RAD51: variants seen among roughly 807,000 people sequenced by gnomAD.
RAD51 encodes the protein DNA repair protein RAD51 homolog 1.
A neutral mutation model predicts 41.5 loss-of-function variants in RAD51; 14 were observed. That is an observed-to-expected ratio of 0.34 (90% CI 0.22 to 0.53). RAD51 has a LOEUF of 0.53. RAD51 is among the 20% of genes least tolerant of loss of function. RAD51 has a pLI of 0.95. For missense variants in RAD51, 234 were observed against 422.0 expected, an observed-to-expected ratio of 0.55 and a Z score of 3.90; for synonymous variants, 136 against 148.6, an observed-to-expected ratio of 0.92 and a Z score of 0.62.
chr15:40,697,087 ATTATTTAT>A (rs138109886), intron 1 of RAD51, among the ~76,000 whole-genome samples: 3 of 151,816 alleles, frequency 2.0e-5, no homozygotes, highest in East Asian at 1.9e-4. Context: ...TTATTTTTTT[ATTATTTAT>A]TTATTTATTT....
At chr15:40,714,696 T>C (rs1018854678) in intron 5 of RAD51, among the ~76,000 whole-genome samples, 1 of 152,210 alleles carries the variant, frequency 6.6e-6, no homozygotes, top group African/African-American at 2.4e-5. Flanking sequence ...ACCAGGGATA[T>C]AGAGAGGATG....
chr15:40,698,639 G>A (rs1295427215), intron 1 of RAD51, 118 bp from the exon 2 acceptor site: 1 of 924,046 alleles, frequency 1.1e-6, no homozygotes, highest in East Asian at 2.6e-5. Flanking sequence ...GGCACAATAA[G>A]AGAATGGCCT....
At chr15:40,714,514 A>G (rs1226601869) in intron 5 of RAD51, among the ~76,000 whole-genome samples, 1 of 152,244 alleles carries the variant, frequency 6.6e-6, no homozygotes, top group Non-Finnish European at 1.5e-5. Context: ...AAGTAGTCAG[A>G]TAATGTCTGT....
rs1049055390 is a variant in RAD51, at chr15:40,728,810, G to C, written c.630G>C (p.Met210Ile). 1 of 1,612,852 alleles carries C rather than the reference G, an allele frequency of 6.2e-7. No individual in the cohort carries two copies. The highest frequency in any genetic ancestry group is 8.5e-7 in the Non-Finnish European group (1 of 1,178,958). The change falls in exon 7 of 10, where the codon ATG (methionine) becomes ATC (isoleucine). Residue 210 changes from methionine to isoleucine, a missense_variant. Coordinates refer to ENST00000267868, the MANE Select transcript of RAD51 (RefSeq NM_002875.5). ...AGCTCCTTTATCAAGCATCAGCCAT[G>C]ATGGTAGAATCTAGGTATGTGTTCA... Reference protein sequence around the residue: ...QTQLLYQASAMMVESRYALLI... With the variant: ...QTQLLYQASAIMVESRYALLI...
At position 40,717,693 on chromosome 15, in the gene RAD51, T is replaced by C. The variant is rs568776970; in HGVS notation, c.436-1112T>C. Among the ~76,000 whole-genome samples the C allele has an allele frequency of 3.9e-5, 6 of 152,340 alleles. No individual in the cohort carries two copies. In the South Asian group the frequency reaches 1.2e-3, roughly 32 times the overall value. On this transcript the variant is annotated intron_variant, in intron 5 of 9. Coordinates refer to ENST00000267868, the MANE Select transcript of RAD51 (RefSeq NM_002875.5). ...CTTGTTTATACTATTGGAGTAAATA[T>C]GTTTTTTTCTTCTTTCTTGCTCACA... is the stretch of plus-strand genomic sequence containing the variant.
chr15:40,730,511 A>ATTTTTTTTCTTTTTTTTT (rs1896814740), intron 9 of RAD51, among the ~76,000 whole-genome samples: 1 of 86,090 alleles, frequency 1.2e-5, no homozygotes, highest in African/African-American at 3.7e-5. Flanking sequence ...TCTTGAAAAA[A>ATTTTTTTTCTTTTTTTTT]TTTTTTTTCT....
Position 40,731,350 on chromosome 15 carries a change from T to G in RAD51, c.*172T>G, listed in dbSNP as rs550106020. The G allele has an allele frequency of 1.3e-6, 1 of 793,534 alleles. No homozygotes were observed. Among genetic ancestry groups the G allele is most frequent in the Non-Finnish European group, 2.0e-6 (1 of 491,006 alleles). The allele number at this position is 793,534 out of a possible 1,614,324, so 49.2% of individuals were successfully genotyped here. A position where few individuals can be genotyped will look rare whatever the true frequency, so the allele number is the denominator to read the frequency against. The stretch of plus-strand genomic sequence containing the variant: ...ATGGTATAAACAGGAGACAGGTCAG[T>G]AGTCACAAACTGATCTAAAATGTTT... On this transcript the variant is annotated 3_prime_UTR_variant, in exon 10 of 10. Transcript: ENST00000267868.
intron 9 of RAD51, among the ~76,000 whole-genome samples, chr15:40,730,383 A>C (rs2141884721): frequency 6.7e-6 from 1 of 149,842 alleles, no homozygotes; most frequent in East Asian, 2.1e-4. Flanking sequence ...GTGTGCCTGT[A>C]GTCTTAGCTA....
chr15:40,698,880 C>G (rs2141814108), intron 2 of RAD51, 35 bp downstream of exon 2: 1 of 1,573,988 alleles, frequency 6.4e-7, no homozygotes, highest in Non-Finnish European at 8.7e-7. Flanking sequence ...GAATTATATA[C>G]TAGATTCTTC....
chr15:40,730,058 C>G, intron 9 of RAD51, 84 bp downstream of exon 9: 5 of 1,547,914 alleles, frequency 3.2e-6, no homozygotes, highest in Non-Finnish European at 4.4e-6. Context: ...TTCATTTAAG[C>G]CCTGTTAAAG....
At chr15:40,726,802 A>T (rs1003722214) in intron 6 of RAD51, among the ~76,000 whole-genome samples, 1 of 151,484 alleles carries the variant, frequency 6.6e-6, no homozygotes, top group Non-Finnish European at 1.5e-5. Context: ...AGTCCCAGCT[A>T]CTCGGGAGGC....
chr15:40,730,615 G>A (rs1243329134), intron 9 of RAD51, among the ~76,000 whole-genome samples: 4 of 140,428 alleles, frequency 2.8e-5, no homozygotes, highest in Non-Finnish European at 6.0e-5. Flanking sequence ...TCCGCCTCCC[G>A]GGTTCACACC....
chr15:40,701,327 G>T, intron 3 of RAD51, 126 bp downstream of exon 3: 15 of 955,418 alleles, frequency 1.6e-5, no homozygotes, highest in South Asian at 6.4e-5. Flanking sequence ...AGGGGTGACT[G>T]TTACCTGTTT....
At chr15:40,703,273 T>C (rs1257647978) in intron 3 of RAD51, among the ~76,000 whole-genome samples, 1 of 152,032 alleles carries the variant, frequency 6.6e-6, no homozygotes, top group East Asian at 1.9e-4. Context: ...ACAGTGAGTA[T>C]ATGAATTGGC....
At chr15:40,725,778 A>G (rs140503805) in intron 6 of RAD51, among the ~76,000 whole-genome samples, 2 of 152,238 alleles carry the variant, frequency 1.3e-5, no homozygotes, top group African/African-American at 2.4e-5. Context: ...ACCTAAGGTC[A>G]GGAGTTTGAG....
At position 40,697,106 on chromosome 15, in the gene RAD51, A is replaced by G. The variant is rs183817389; in HGVS notation, c.-2-1651A>G. Among the ~76,000 whole-genome samples the G allele has an allele frequency of 1.4e-3, 216 of 151,640 alleles. 1 individual carries two copies. The highest frequency in any genetic ancestry group is 2.8e-3 in the Non-Finnish European group (187 of 67,938). On this transcript the variant is annotated intron_variant, in intron 1 of 9. Coordinates refer to ENST00000267868, the MANE Select transcript of RAD51 (RefSeq NM_002875.5). The stretch of plus-strand genomic sequence containing the variant: ...TTTTTTATTATTTATTTATTTATTT[A>G]TTTTTCCTTTTGAGACAGAGTTTGG...
chr15:40,706,411 G>A lies in RAD51; in HGVS notation c.343+117G>A, dbSNP rs993175925. 2.2e-5 allele frequency: 20 copies of A among 912,580 alleles called. No individual in the cohort carries two copies. The Middle Eastern group carries it at 1.2e-3, about 54-fold the overall frequency. 56.5% of individuals were successfully genotyped at this position (912,580 alleles called of 1,614,324 possible). A position where few individuals can be genotyped will look rare whatever the true frequency, so the allele number is the denominator to read the frequency against. ...TGTTAGATAATGATAAAGAGATAGAGGAAGGCCAGGTGCAGTGGCTTATGC... is the reference window on the plus strand; with the variant it reads ...TGTTAGATAATGATAAAGAGATAGAAGAAGGCCAGGTGCAGTGGCTTATGC... On this transcript the variant is annotated intron_variant, in intron 4 of 9. Transcript: ENST00000267868.
intron 3 of RAD51, among the ~76,000 whole-genome samples, chr15:40,705,393 A>G (rs1304688639): frequency 6.6e-6 from 1 of 152,200 alleles, no homozygotes; most frequent in African/African-American, 2.4e-5. Context: ...TCAGCCAGAC[A>G]ATATGAAAGA....
chr15:40,700,987 G>A, intron 2 of RAD51, 77 bp from the exon 3 acceptor site: 1 of 1,517,144 alleles, frequency 6.6e-7, no homozygotes, highest in Non-Finnish European at 9.1e-7. Flanking sequence ...CCTCTGTGAA[G>A]TATGTAGGAC....
Sources: allele counts gnomAD v4.1 joint callset (sites outside exome capture counted in the v4.1 genomes callset), GRCh38; gene constraint gnomAD v4.1.1; transcripts MANE v1.5; gene names NCBI Gene and HGNC (gene_info 2026-07-23, HGNC 2026-07-21).